DPH6: variants seen among roughly 807,000 people sequenced by gnomAD.
The protein encoded by DPH6 is diphthine--ammonia ligase.
DPH6 carries 33 observed loss-of-function variants against 38.2 expected under a neutral mutation model. The observed-to-expected ratio is 0.86, with a 90% confidence interval of 0.65 to 1.15. The LOEUF (loss-of-function observed/expected upper bound fraction) is 1.15, where lower values mean the gene tolerates loss of function less well. Among genes scored for constraint, DPH6 ranks in the 50% most tolerant of loss-of-function variants. The pLI, the probability that DPH6 is intolerant of heterozygous loss-of-function variation, is 0.00. For synonymous variants in DPH6, 108 were observed against 103.0 expected (o/e 1.05, Z -0.30); for missense variants, 325 against 320.0 (o/e 1.02, Z -0.12).
the DPH6 span, among the ~76,000 whole-genome samples, chr15:35,211,781 A>G: frequency 3.3e-5 from 5 of 152,154 alleles, no homozygotes; most frequent in Non-Finnish European, 7.4e-5. Flanking sequence ...GCATGGCTCT[A>G]TTTTTAAAAA....
intron 3 of DPH6, among the ~76,000 whole-genome samples, chr15:35,267,392 G>C (rs1405032016): frequency 6.6e-6 from 1 of 152,170 alleles, no homozygotes; most frequent in East Asian, 1.9e-4. Flanking sequence ...GGTTCAGCTA[G>C]CTCTCCTCTG....
intron 5 of DPH6, among the ~76,000 whole-genome samples, chr15:35,439,285 A>G (rs1352908818): frequency 6.6e-6 from 1 of 152,178 alleles, no homozygotes; most frequent in South Asian, 2.1e-4. Flanking sequence ...GCTGATACTT[A>G]TTTTGTTTTC....
intron 3 of DPH6, among the ~76,000 whole-genome samples, chr15:35,239,368 C>T (rs973633279): frequency 7.0e-5 from 10 of 143,738 alleles, no homozygotes; most frequent in Non-Finnish European, 1.1e-4. Flanking sequence ...TATCTGTGGA[C>T]CCCAAACTCC....
rs559590943 is a variant in DPH6 at position 35,460,611 on chromosome 15, T to C, written c.313-5791A>G. ...GCATAATGTCATTAAACATTTATAT[T>C]AGTATTAGTTACTGCTCTCAACAAC... On this transcript the variant is annotated intron_variant, in intron 3 of 8. Transcript: ENST00000256538. 8.5e-5 allele frequency among the ~76,000 whole-genome samples: 13 copies of C among 152,336 alleles called. No individual in the cohort carries two copies. In the East Asian group the frequency reaches 1.3e-3, roughly 16 times the overall value.
chr15:35,157,624 T>A, the DPH6 span, among the ~76,000 whole-genome samples: 2 of 152,158 alleles, frequency 1.3e-5, no homozygotes, highest in African/African-American at 4.8e-5. Context: ...TGCCTGGTGT[T>A]GAGGCTCCCT....
At chr15:35,443,422 G>C (rs904584548) in intron 5 of DPH6, among the ~76,000 whole-genome samples, 2 of 152,108 alleles carry the variant, frequency 1.3e-5, no homozygotes, top group East Asian at 1.9e-4. Context: ...ATATAATCTT[G>C]CAAGTAATTT....
At chr15:35,455,240 A>C (rs895685583) in intron 3 of DPH6, among the ~76,000 whole-genome samples, 2 of 152,150 alleles carry the variant, frequency 1.3e-5, no homozygotes, top group Admixed American at 1.3e-4. Flanking sequence ...GAGCACAATA[A>C]TTTTTCTGTA....
intron 3 of DPH6, among the ~76,000 whole-genome samples, chr15:35,363,860 T>A (rs2052634672): frequency 6.6e-6 from 1 of 152,032 alleles, no homozygotes; most frequent in Non-Finnish European, 1.5e-5. Context: ...TTACTATGAA[T>A]CTCAACATTT....
intron 3 of DPH6, among the ~76,000 whole-genome samples, chr15:35,308,326 T>C (rs951555263): frequency 6.6e-6 from 1 of 152,242 alleles, no homozygotes; most frequent in Non-Finnish European, 1.5e-5. Context: ...GATATGTTAA[T>C]TGGCTTGATT....
intron 3 of DPH6, among the ~76,000 whole-genome samples, chr15:35,362,331 A>T (rs1006027041): frequency 5.9e-5 from 9 of 152,142 alleles, no homozygotes; most frequent in African/African-American, 2.2e-4. Context: ...GGCCCTCAGG[A>T]ATCCAAAACA....
intron 3 of DPH6, among the ~76,000 whole-genome samples, chr15:35,514,267 T>C (rs1309294601): frequency 6.6e-6 from 1 of 152,078 alleles, no homozygotes; most frequent in Non-Finnish European, 1.5e-5. Flanking sequence ...CAAGTAACAG[T>C]TTGAGAAGAT....
chr15:35,283,105 CCTT>C (rs140342388), intron 3 of DPH6: 4,370 of 154,744 alleles, frequency 0.028, 212 homozygotes, highest in African/African-American at 0.1. Context: ...TCTTCTTCTC[CCTT>C]CTTCTTCTTC....
chr15:35,421,014 T>C (rs1394394885), intron 5 of DPH6, among the ~76,000 whole-genome samples: 1 of 152,168 alleles, frequency 6.6e-6, no homozygotes, highest in African/African-American at 2.4e-5. Context: ...AGTTAAACTG[T>C]ATTTAACAAC....
chr15:35,405,103 A>G (rs2053274187), intron 6 of DPH6, among the ~76,000 whole-genome samples: 2 of 152,094 alleles, frequency 1.3e-5, no homozygotes, highest in Admixed American at 1.3e-4. Flanking sequence ...TTAGGCCAGT[A>G]CCATGCTATT....
intron 5 of DPH6, among the ~76,000 whole-genome samples, chr15:35,412,947 C>A (rs1322104895): frequency 1.3e-5 from 2 of 151,554 alleles, no homozygotes; most frequent in Non-Finnish European, 3.0e-5. Flanking sequence ...GTAGAATGTA[C>A]ATCACCAGCA....
chr15:35,368,992 T>C (rs1163069593), downstream of DPH6, among the ~76,000 whole-genome samples: 3 of 151,612 alleles, frequency 2.0e-5, no homozygotes, highest in Non-Finnish European at 1.5e-5. Context: ...AAGAAAAGAA[T>C]GGACCTATAA....
chr15:35,467,929 T>C (rs537796990), intron 3 of DPH6, among the ~76,000 whole-genome samples: 26 of 152,218 alleles, frequency 1.7e-4, no homozygotes, highest in Non-Finnish European at 2.2e-4. Context: ...CAATAGGAGA[T>C]TGGAATTTTT....
chr15:35,542,941 AAGG>A (rs2055278612), intron 1 of DPH6, among the ~76,000 whole-genome samples: 1 of 17,164 alleles, frequency 5.8e-5, no homozygotes, highest in Admixed American at 8.3e-4. Context: ...TATTCCACTT[AAGG>A]AATATATATA....
At chr15:35,152,545 GC>G in the DPH6 span, among the ~76,000 whole-genome samples, 1 of 152,090 alleles carries the variant, frequency 6.6e-6, no homozygotes, top group African/African-American at 2.4e-5. Flanking sequence ...TGTTGCCCAG[GC>G]TGGAGTGCAA....
Sources: gnomAD v4.1 joint callset for allele counts (sites outside exome capture counted in the v4.1 genomes callset) on GRCh38, gnomAD v4.1.1 for gene constraint, MANE v1.5 for transcripts, NCBI Gene and HGNC (gene_info 2026-07-23, HGNC 2026-07-21) for gene names.